Variants in RAPGEF6 observed in about 807,000 individuals in gnomAD.
The protein encoded by RAPGEF6 is Rap guanine nucleotide exchange factor 6, also known as PDZ domain containing guanine nucleotide exchange factor (GEF) 2.
Under a neutral mutation model 171.4 loss-of-function variants are expected in RAPGEF6, and 56 were observed. The ratio of observed to expected loss-of-function variants is 0.33; its 90% CI spans 0.26 to 0.41. The LOEUF is 0.41. Ranked by LOEUF, RAPGEF6 falls within the 10% of genes least tolerant of loss-of-function variation. The probability of loss-of-function intolerance (pLI) is 1.00; values close to 1 mark genes in which losing one functional copy is unlikely to be tolerated. For missense variants in RAPGEF6, 1,674 were observed against 1,921.4 expected (o/e 0.87, Z 2.41); for synonymous variants, 692 against 650.1 (o/e 1.06, Z -0.98).
At position 131,425,778 on chromosome 5, in the gene RAPGEF6, G is replaced by A. The variant is rs1300812937; in HGVS notation, c.*1488C>T. 6.6e-6 allele frequency: 1 copy of A among 151,684 alleles called. No individual in the cohort carries two copies. Among genetic ancestry groups the A allele is most frequent in the Non-Finnish European group, 1.5e-5 (1 of 67,962 alleles). The allele number at this position is 151,684 out of a possible 1,614,324, so 9.4% of individuals were successfully genotyped here. A position where few individuals can be genotyped will look rare whatever the true frequency, so the allele number is the denominator to read the frequency against. ...GGAAAGACAACACATTTCTATAAAGGAGGCCACAAACCAACTAAATCCTAT... is the reference window on the plus strand; with the variant it reads ...GGAAAGACAACACATTTCTATAAAGAAGGCCACAAACCAACTAAATCCTAT... On this transcript the variant is annotated 3_prime_UTR_variant, in exon 28 of 28. Transcript: ENST00000509018.
At chr5:131,456,305 A>C (rs1467913780) in intron 19 of RAPGEF6, among the ~76,000 whole-genome samples, 2 of 152,240 alleles carry the variant, frequency 1.3e-5, no homozygotes, top group African/African-American at 4.8e-5. Flanking sequence ...TTAAATTAAA[A>C]AAAACTTCAA....
In RAPGEF6 at chr5:131,439,614, G is replaced by A. The variant is rs1407772923; in HGVS notation, c.3712C>T (p.Pro1238Ser). ...ISVASSLHSS[P>S]PASPQGSPHK... ...GGGGAGCCTTGAGGAGATGCAGGAGGACTAGAATGTAAAGATGACGCCACA... is the reference window on the plus strand; with the variant it reads ...GGGGAGCCTTGAGGAGATGCAGGAGAACTAGAATGTAAAGATGACGCCACA... Residue 1238 changes from proline to serine, a missense_variant, in exon 24 of 28, where the codon CCT becomes TCT. Physicochemically the swap from Pro to Ser is moderately conservative, Grantham distance 74. This residue lies in a region of RAPGEF6 where 552 missense variants were observed against 574.2 expected (regional missense o/e 0.96). Coordinates refer to ENST00000509018, the MANE Select transcript of RAPGEF6 (RefSeq NM_016340.6). The A allele has an allele frequency of 5.6e-6, 9 of 1,612,484 alleles. No individual in the cohort carries two copies. Among genetic ancestry groups the A allele is most frequent in the Middle Eastern group, 3.4e-4 (2 of 5,964 alleles).
At chr5:131,440,010 C>A (rs1752274026) in intron 23 of RAPGEF6, 1 of 430,290 alleles carries the variant, frequency 2.3e-6, no homozygotes, top group Non-Finnish European at 4.3e-6. Flanking sequence ...CCACCTCCCA[C>A]AATTGACACA....
chr5:131,557,898 T>C (rs1343691814), intron 5 of RAPGEF6, among the ~76,000 whole-genome samples: 1 of 152,182 alleles, frequency 6.6e-6, no homozygotes, highest in Admixed American at 6.5e-5. Context: ...TTACTGAAAT[T>C]GGACTACCTA....
rs556171110 is a variant in RAPGEF6 at position 131,583,575 on chromosome 5, A to G, written c.281+8808T>C. On this transcript the variant is annotated intron_variant, in intron 4 of 27. Transcript: ENST00000509018. ...TTAAGGTTCTCTGGATCCACCTATA[A>G]TCTATAACCCCCTGCTTCAAGACAT... is the stretch of plus-strand genomic sequence containing the variant. 3.7e-4 allele frequency among the ~76,000 whole-genome samples: 56 copies of G among 152,194 alleles called. 1 individual carries two copies. The highest frequency in any genetic ancestry group is 3.4e-3 in the Middle Eastern group (1 of 294).
chr5:131,472,491 G>A, intron 17 of RAPGEF6, 96 bp downstream of exon 17: 3 of 1,362,634 alleles, frequency 2.2e-6, no homozygotes, highest in Non-Finnish European at 3.1e-6. Context: ...AGTTAAGAGG[G>A]CTGCAAGTAA....
chr5:131,596,175 A>G (rs1323079407), intron 3 of RAPGEF6, among the ~76,000 whole-genome samples: 2 of 149,818 alleles, frequency 1.3e-5, no homozygotes, highest in African/African-American at 4.9e-5. Context: ...AAAAAAAGTT[A>G]AAGGATAGAA....
chr5:131,535,056 T>C (rs778657607), intron 6 of RAPGEF6, among the ~76,000 whole-genome samples: 20 of 152,160 alleles, frequency 1.3e-4, no homozygotes, highest in Non-Finnish European at 2.6e-4. Context: ...ACTAGTGCCA[T>C]ATGTTAGACC....
intron 21 of RAPGEF6, among the ~76,000 whole-genome samples, chr5:131,452,630 A>ATTTT (rs374349439): frequency 2.1e-5 from 3 of 140,500 alleles, no homozygotes; most frequent in South Asian, 2.2e-4. Flanking sequence ...TTGTTTGCTG[A>ATTTT]TTTTTTTTTT....
chr5:131,614,380 G>A (rs1765143894), intron 1 of RAPGEF6, among the ~76,000 whole-genome samples: 1 of 151,954 alleles, frequency 6.6e-6, no homozygotes, highest in Non-Finnish European at 1.5e-5. Context: ...GGTCCTGCAG[G>A]CTGTACAGGA....
In RAPGEF6 at chr5:131,464,123, C is replaced by T; in HGVS notation, c.2398G>A (p.Val800Ile). The T allele has an allele frequency of 1.2e-6, 2 of 1,613,876 alleles. No homozygotes were observed. Among genetic ancestry groups the T allele is most frequent in the South Asian group, 2.2e-5 (2 of 91,074 alleles). The change falls in exon 18 of 28, where the codon GTT (valine) becomes ATT (isoleucine). Residue 800 changes from valine (V) to isoleucine (I), a missense_variant. Val to Ile is a conservative substitution (Grantham distance 29). Coordinates refer to ENST00000509018, the MANE Select transcript of RAPGEF6 (RefSeq NM_016340.6). ...TGTTTTATGACACCCTCAGGAGTAA[C>T]AGAAACTTCACAGAGAGAATATGTG... ...SDTYSLCEVS[V>I]TPEGVIKQRR...
intron 4 of RAPGEF6, among the ~76,000 whole-genome samples, chr5:131,585,633 C>A (rs1310054448): frequency 6.6e-6 from 1 of 152,100 alleles, no homozygotes; most frequent in African/African-American, 2.4e-5. Flanking sequence ...CGAGACTAGC[C>A]TGGCCAAGAT....
intron 24 of RAPGEF6, chr5:131,435,896 G>A (rs1355652010): frequency 2.7e-6 from 4 of 1,477,272 alleles, no homozygotes; most frequent in Non-Finnish European, 3.6e-6. Flanking sequence ...TTTAAGCCAT[G>A]TATACATTAA....
intron 4 of RAPGEF6, among the ~76,000 whole-genome samples, chr5:131,585,061 A>G (rs1763165485): frequency 6.6e-6 from 1 of 152,362 alleles, no homozygotes; most frequent in Middle Eastern, 3.4e-3. Context: ...AAAAGTGTTC[A>G]ACATCATTAT....
At chr5:131,572,810 A>G (rs1489145157) in intron 4 of RAPGEF6, among the ~76,000 whole-genome samples, 1 of 152,166 alleles carries the variant, frequency 6.6e-6, no homozygotes, top group African/African-American at 2.4e-5. Context: ...CACCTGACCT[A>G]AAACCTAAAT....
At chr5:131,450,398 T>C (rs1288800190) in intron 21 of RAPGEF6, among the ~76,000 whole-genome samples, 2 of 152,132 alleles carry the variant, frequency 1.3e-5, no homozygotes, top group Non-Finnish European at 2.9e-5. Context: ...GGAAAAGACC[T>C]TAAAGGAATA....
intron 1 of RAPGEF6, among the ~76,000 whole-genome samples, chr5:131,624,035 C>T (rs1765757875): frequency 1.3e-5 from 2 of 152,176 alleles, no homozygotes; most frequent in African/African-American, 4.8e-5. Context: ...CAAATGAGCA[C>T]TAGAGCTTTC....
intron 1 of RAPGEF6, among the ~76,000 whole-genome samples, chr5:131,628,303 A>G (rs879908819): frequency 6.6e-6 from 1 of 152,196 alleles, no homozygotes; most frequent in Non-Finnish European, 1.5e-5. Flanking sequence ...AAAAAGTGAA[A>G]AAGTCTTATT....
chr5:131,551,385 C>T (rs1443374419), intron 5 of RAPGEF6, among the ~76,000 whole-genome samples: 1 of 151,542 alleles, frequency 6.6e-6, no homozygotes, highest in African/African-American at 2.4e-5. Context: ...CGGTGGCAGG[C>T]GCTGTAATCC....
Sources: gnomAD v4.1 joint callset for allele counts (sites outside exome capture counted in the v4.1 genomes callset) on GRCh38, gnomAD v4.1.1 for gene constraint, gnomAD v4.1.1 regional missense constraint, MANE v1.5 for transcripts, NCBI Gene and HGNC (gene_info 2026-07-23, HGNC 2026-07-21) for gene names.